The following PTCHD1 variants were observed in gnomAD, a reference collection of about 807,000 sequenced individuals.
PTCHD1 encodes patched domain containing 1, also known as patched domain-containing protein 1.
A neutral mutation model predicts 34.6 loss-of-function variants in PTCHD1; 3 were observed. The observed-to-expected ratio is 0.09, with a 90% CI of 0.04 to 0.22. PTCHD1 has a LOEUF of 0.22. Among genes scored for constraint, PTCHD1 ranks in the 10% least tolerant of loss-of-function variants. The pLI is 1.00. For synonymous variants in PTCHD1, 305 were observed against 283.1 expected, an observed-to-expected ratio of 1.08 and a Z score of -0.77; for missense variants, 504 against 685.5, an observed-to-expected ratio of 0.74 and a Z score of 2.96.
intron 2 of PTCHD1, among the ~76,000 whole-genome samples, chrX:23,381,691 G>A (rs1030498034): frequency 8.9e-6 from 1 of 111,998 alleles, no homozygotes; most frequent in South Asian, 3.8e-4. Flanking sequence ...TTTGTGAAGA[G>A]CTGGGCACTG....
intron 1 of PTCHD1, among the ~76,000 whole-genome samples, chrX:23,335,621 T>C (rs368123229): frequency 6.2e-5 from 7 of 112,427 alleles, no homozygotes; most frequent in African/African-American, 1.9e-4. Context: ...GAGAACAAAA[T>C]ACTATGCTTG....
rs1370952008 is a variant in PTCHD1 at position 23,394,179 on chromosome X, A to G, written c.2661A>G (p.Thr887=). 6 of 1,181,669 alleles carry G rather than the reference A, an allele frequency of 5.1e-6. No individual in the cohort carries two copies. The Admixed American group carries it at 1.3e-4, about 26-fold the overall frequency. ...DSTRVVDQIT[T]V The stretch of plus-strand genomic sequence containing the variant: ...CCCGTGTGGTTGACCAAATTACAAC[A>G]GTGTGATAATGTCTGCTTGGCATAT... The change falls in exon 3 of 3, where the codon ACA becomes ACG. Residue 887 remains threonine, a synonymous_variant. Transcript: ENST00000379361.
chrX:23,348,660 G>GA (rs1367634204), intron 1 of PTCHD1, among the ~76,000 whole-genome samples: 259 of 108,699 alleles, frequency 2.4e-3, no homozygotes, highest in Admixed American at 3.5e-3. Context: ...GGGTTAAAAT[G>GA]AAAAAAAAAT....
intron 1 of PTCHD1, among the ~76,000 whole-genome samples, chrX:23,359,117 A>C (rs1200161177): frequency 2.7e-5 from 3 of 112,242 alleles, no homozygotes; most frequent in Non-Finnish European, 5.6e-5. Context: ...CTTAGGATTG[A>C]CTTGGCAATG....
upstream of PTCHD1, chrX:23,334,760 C>CGCGGGCGCCGCT (rs1471770174): frequency 2.1e-5 from 3 of 146,284 alleles, no homozygotes; most frequent in African/African-American, 3.4e-5. Flanking sequence ...TCGCCGCCGC[C>CGCGGGCGCCGCT]GCCGTCGCCG....
chrX:23,340,821 T>A (rs1029323187), intron 1 of PTCHD1, among the ~76,000 whole-genome samples: 6 of 112,200 alleles, frequency 5.3e-5, no homozygotes, highest in African/African-American at 1.9e-4. Context: ...GTTATCCAAG[T>A]GGCAGATACT....
rs1491201668 is a variant in PTCHD1, at chrX:23,394,451, C to CACACACACACA, written c.*266_*267insACACACACACA. On this transcript the variant is annotated 3_prime_UTR_variant, in exon 3 of 3. Transcript: ENST00000379361. ...ACACACACACACACACACACACACA[C>CACACACACACA]CCTGGGAGACCTATAGTCTCTTAAA... The CACACACACACA allele has an allele frequency of 1.0e-3, 297 of 296,909 alleles. No individual in the cohort carries two copies. Among genetic ancestry groups the CACACACACACA allele is most frequent in the Non-Finnish European group, 1.3e-3 (223 of 173,854 alleles). The allele number at this position is 296,909 out of a possible 1,213,427, so 24.5% of individuals were successfully genotyped here.
chrX:23,338,954 A>G (rs1021086810), intron 1 of PTCHD1, among the ~76,000 whole-genome samples: 5 of 111,965 alleles, frequency 4.5e-5, no homozygotes, highest in Non-Finnish European at 9.4e-5. Flanking sequence ...AAAGCATAAG[A>G]TATTTATAAT....
chrX:23,374,104 G>A (rs769798272), intron 1 of PTCHD1, among the ~76,000 whole-genome samples: 4 of 109,071 alleles, frequency 3.7e-5, no homozygotes, highest in African/African-American at 1.3e-4. Flanking sequence ...TCCCACTGGA[G>A]GTGACTGGAG....
intron 1 of PTCHD1, among the ~76,000 whole-genome samples, chrX:23,377,649 A>C (rs1010605336): frequency 2.8e-5 from 3 of 108,424 alleles, no homozygotes; most frequent in African/African-American, 1.0e-4. Flanking sequence ...AATTCAAATT[A>C]TTTCAGCCAA....
chrX:23,376,892 G>C (rs111263149), intron 1 of PTCHD1, among the ~76,000 whole-genome samples: 2,046 of 112,187 alleles, frequency 0.018, 47 homozygotes, highest in African/African-American at 0.062. Flanking sequence ...AGCTCTGGAA[G>C]TGAGTTAAGA....
chrX:23,390,704 C>A (rs372189742), intron 2 of PTCHD1, among the ~76,000 whole-genome samples: 1 of 111,781 alleles, frequency 8.9e-6, no homozygotes, highest in Non-Finnish European at 1.9e-5. Context: ...TCTGAGGAAA[C>A]AGGCCTAAAT....
intron 1 of PTCHD1, among the ~76,000 whole-genome samples, chrX:23,361,647 A>G (rs1346565901): frequency 8.9e-6 from 1 of 112,029 alleles, no homozygotes; most frequent in African/African-American, 3.2e-5. Flanking sequence ...TAGCCCATTT[A>G]CATTTAAGGT....
intron 1 of PTCHD1, among the ~76,000 whole-genome samples, chrX:23,353,445 C>T (rs974301311): frequency 8.9e-5 from 10 of 112,362 alleles, no homozygotes; most frequent in African/African-American, 2.9e-4. Flanking sequence ...CAAAATTAGC[C>T]GGGTGTGGTG....
intron 1 of PTCHD1, among the ~76,000 whole-genome samples, chrX:23,371,212 A>T: frequency 8.9e-6 from 1 of 112,155 alleles, no homozygotes; most frequent in Non-Finnish European, 1.9e-5. Flanking sequence ...AGATAACAAA[A>T]CTGAATTAAA....
rs758978173 is a variant in PTCHD1 at position 23,403,390 on chromosome X, G to A, written c.*9205G>A. The A allele has an allele frequency of 8.9e-6, 1 of 111,834 alleles. No individual in the cohort carries two copies. The highest frequency in any genetic ancestry group is 9.5e-5 in the Admixed American group (1 of 10,514). The allele number at this position is 111,834 out of a possible 1,213,427, so 9.2% of individuals were successfully genotyped here. A position where few individuals can be genotyped will look rare whatever the true frequency, so the allele number is the denominator to read the frequency against. On this transcript the variant is annotated 3_prime_UTR_variant, in exon 3 of 3. Transcript: ENST00000379361. ...GCTTGGTCAGTTTTGAGACAGATAA[G>A]CATAAAACCCTACTAGAAAAAAATA...
At chrX:23,347,282 A>G (rs1921503425) in intron 1 of PTCHD1, among the ~76,000 whole-genome samples, 1 of 112,253 alleles carries the variant, frequency 8.9e-6, no homozygotes, top group African/African-American at 3.2e-5. Context: ...AAAGACTGAG[A>G]TTTCATTGGA....
In PTCHD1 at chrX:23,403,482, C is replaced by T. The variant is rs1448550868; in HGVS notation, c.*9297C>T. The T allele has an allele frequency of 2.7e-5, 3 of 111,973 alleles. No homozygotes were observed. The highest frequency in any genetic ancestry group is 5.6e-4 in the East Asian group (2 of 3,582). The allele number at this position is 111,973 out of a possible 1,213,427, so 9.2% of individuals were successfully genotyped here. On this transcript the variant is annotated 3_prime_UTR_variant, in exon 3 of 3. Coordinates refer to ENST00000379361, the MANE Select transcript of PTCHD1 (RefSeq NM_173495.3). ...TTTTCTCCAGGAAAGGCAGAACGTG[C>T]TCAGGGTGGAATTTAATCAAAAATG... is the stretch of plus-strand genomic sequence containing the variant.
intron 1 of PTCHD1, among the ~76,000 whole-genome samples, chrX:23,355,945 T>A (rs1921790327): frequency 8.9e-6 from 1 of 112,865 alleles, no homozygotes; most frequent in Non-Finnish European, 1.9e-5. Flanking sequence ...CCACAGTATC[T>A]TTACTTTTAC....
Sources: gnomAD v4.1 joint callset for allele counts (sites outside exome capture counted in the v4.1 genomes callset) on GRCh38, gnomAD v4.1.1 for gene constraint, MANE v1.5 for transcripts, NCBI Gene and HGNC (gene_info 2026-07-23, HGNC 2026-07-21) for gene names.